Variants in MECOM observed in about 807,000 individuals in gnomAD.
MECOM encodes the protein MDS1 and EVI1 complex locus.
MECOM carries 13 observed loss-of-function variants against 116.3 expected under a neutral mutation model. That is an observed-to-expected ratio of 0.11 (90% CI 0.07 to 0.18). MECOM has a LOEUF of 0.18. Ranked by LOEUF, MECOM falls within the 10% of genes least tolerant of loss-of-function variation. The pLI, the probability that MECOM is intolerant of heterozygous loss-of-function variation, is 1.00. For missense variants in MECOM, 1,299 were observed against 1,509.0 expected, an observed-to-expected ratio of 0.86 and a Z score of 2.31; for synonymous variants, 528 against 535.2, an observed-to-expected ratio of 0.99 and a Z score of 0.19.
intron 1 of MECOM, among the ~76,000 whole-genome samples, chr3:169,532,182 A>G (rs1758727041): frequency 6.6e-6 from 1 of 152,212 alleles, no homozygotes; most frequent in South Asian, 2.1e-4. Flanking sequence ...CAGTTTGGTG[A>G]GCTGCCCCAT....
At chr3:169,122,474 T>C in intron 6 of MECOM, 106 bp downstream of exon 6, 1 of 1,309,604 alleles carries the variant, frequency 7.6e-7, no homozygotes, top group Non-Finnish European at 1.1e-6. Context: ...TCAAGATATT[T>C]ATAGTTTCCC....
chr3:169,326,193 G>A (rs570416624), intron 2 of MECOM, among the ~76,000 whole-genome samples: 2 of 152,054 alleles, frequency 1.3e-5, no homozygotes, highest in South Asian at 4.2e-4. Context: ...AGGATCCAGG[G>A]GACAGAGAGA....
At chr3:169,496,084 C>T (rs1270200085) in intron 1 of MECOM, among the ~76,000 whole-genome samples, 1 of 152,140 alleles carries the variant, frequency 6.6e-6, no homozygotes, top group African/African-American at 2.4e-5. Context: ...GATATGGGAG[C>T]CTCCTCAAAC....
rs77471990 is a variant in MECOM at position 169,537,286 on chromosome 3, C to T, written c.37+126050G>A. Among the ~76,000 whole-genome samples, 355 of 152,280 alleles carry T rather than the reference C, an allele frequency of 2.3e-3. 1 individual carries two copies. Among genetic ancestry groups the T allele is most frequent in the Non-Finnish European group, 4.0e-3 (272 of 68,020 alleles). ...TTCTGTGGAATGCTGGGGAACCCTG[C>T]CTGTATCTCTAGCATAGCCATTAGT... is the stretch of plus-strand genomic sequence containing the variant. On this transcript the variant is annotated intron_variant, in intron 1 of 16. Coordinates refer to ENST00000651503, the MANE Select transcript of MECOM (RefSeq NM_004991.4).
At chr3:169,629,146 A>G (rs1771765950) in intron 1 of MECOM, among the ~76,000 whole-genome samples, 1 of 147,570 alleles carries the variant, frequency 6.8e-6, no homozygotes, top group African/African-American at 2.5e-5. Context: ...TTGAATCTCT[A>G]AAGATAGCCA....
chr3:169,401,352 G>A (rs969103303), intron 1 of MECOM, among the ~76,000 whole-genome samples: 6 of 151,262 alleles, frequency 4.0e-5, no homozygotes, highest in Non-Finnish European at 8.8e-5. Flanking sequence ...TGTTTCTCTG[G>A]GCTAAGGTAA....
Position 169,090,003 on chromosome 3 carries a change from A to T in MECOM, c.3398T>A (p.Val1133Glu). ...TAAAGTCACCCAAGGTACTCACCTC[A>T]CTGGGGATGTCTTGCAACTCATCTC... ...ALEMSCKTSP[V>E]RYKEEEYKSG... is the part of the protein sequence containing the mutation. Residue 1133 changes from valine to glutamate, a missense_variant, in exon 15 of 17, where the codon GTG becomes GAG. Physicochemically the swap from Val to Glu is moderately radical, Grantham distance 121. Transcript: ENST00000651503. The T allele has an allele frequency of 6.2e-7, 1 of 1,612,476 alleles. No individual in the cohort carries two copies. The highest frequency in any genetic ancestry group is 8.5e-7 in the Non-Finnish European group (1 of 1,178,942).
chr3:169,452,867 A>G (rs1745831907), intron 1 of MECOM, among the ~76,000 whole-genome samples: 1 of 152,232 alleles, frequency 6.6e-6, no homozygotes, highest in Non-Finnish European at 1.5e-5. Context: ...AATTATTTTC[A>G]ATAAGCTAGG....
At chr3:169,409,385 G>A (rs6788034) in intron 1 of MECOM, among the ~76,000 whole-genome samples, 10,366 of 152,246 alleles carry the variant, frequency 0.068, 404 homozygotes, top group African/African-American at 0.096. Flanking sequence ...TCCCAAAGGA[G>A]AGTTACTAGT....
chr3:169,597,694 C>A (rs935655007), intron 1 of MECOM, among the ~76,000 whole-genome samples: 1 of 152,210 alleles, frequency 6.6e-6, no homozygotes, highest in Non-Finnish European at 1.5e-5. Flanking sequence ...ATTTAACCTG[C>A]CTCACAAACC....
rs1757216481 is a variant in MECOM, at chr3:169,520,523, A to T, written c.38-138999T>A. Among the ~76,000 whole-genome samples the T allele has an allele frequency of 2.0e-5, 3 of 152,192 alleles. No individual in the cohort carries two copies. The South Asian group carries it at 6.2e-4, about 32-fold the overall frequency. The stretch of plus-strand genomic sequence containing the variant: ...TTCCCATTTAGTAACATTAATATGG[A>T]TCTTACTTTCAAGGGTTTTGAGATC... On this transcript the variant is annotated intron_variant, in intron 1 of 16. Transcript: ENST00000651503.
chr3:169,435,521 T>C (rs1158139785), intron 1 of MECOM, among the ~76,000 whole-genome samples: 1 of 152,134 alleles, frequency 6.6e-6, no homozygotes, highest in African/African-American at 2.4e-5. Context: ...AATGGAAACA[T>C]ATGTTTTCTC....
intron 2 of MECOM, among the ~76,000 whole-genome samples, chr3:169,197,156 C>T (rs184493014): frequency 8.6e-5 from 13 of 151,842 alleles, no homozygotes; most frequent in Admixed American, 3.3e-4. Flanking sequence ...GACACCAGGA[C>T]GCACTTTAGG....
chr3:169,350,150 T>C (rs1726068268), intron 2 of MECOM, among the ~76,000 whole-genome samples: 1 of 152,024 alleles, frequency 6.6e-6, no homozygotes, highest in African/African-American at 2.4e-5. Flanking sequence ...TGGTTGTTAG[T>C]TGGTTTTGTG....
intron 1 of MECOM, among the ~76,000 whole-genome samples, chr3:169,444,307 G>A (rs1375374435): frequency 2.0e-5 from 3 of 152,102 alleles, no homozygotes; most frequent in African/African-American, 7.2e-5. Flanking sequence ...ACACTGATAT[G>A]GTTTGGCTGT....
At chr3:169,378,411 A>G (rs1252907548) in intron 2 of MECOM, among the ~76,000 whole-genome samples, 1 of 59,402 alleles carries the variant, frequency 1.7e-5, no homozygotes, top group African/African-American at 1.3e-4. Context: ...GAAAGAAAGA[A>G]AGAAAGAAAG....
intron 2 of MECOM, among the ~76,000 whole-genome samples, chr3:169,226,667 T>C (rs1240447209): frequency 6.6e-6 from 1 of 152,170 alleles, no homozygotes; most frequent in Non-Finnish European, 1.5e-5. Flanking sequence ...ATATAAAATG[T>C]AGATGTATTC....
intron 2 of MECOM, among the ~76,000 whole-genome samples, chr3:169,180,404 C>T (rs1745789493): frequency 6.6e-6 from 1 of 152,024 alleles, no homozygotes; most frequent in African/African-American, 2.4e-5. Flanking sequence ...GTCCCTTTAG[C>T]CATGTGTGTA....
At chr3:169,094,130 C>T (rs771647331) in intron 13 of MECOM, among the ~76,000 whole-genome samples, 7 of 151,938 alleles carry the variant, frequency 4.6e-5, no homozygotes, top group South Asian at 2.1e-4. Flanking sequence ...TTGAGGGAGA[C>T]GAACAGTATA....
Sources: gnomAD v4.1 joint callset for allele counts (sites outside exome capture counted in the v4.1 genomes callset) on GRCh38, gnomAD v4.1.1 for gene constraint, MANE v1.5 for transcripts, NCBI Gene and HGNC (gene_info 2026-07-23, HGNC 2026-07-21) for gene names.